Variants in KNL1 observed in about 807,000 individuals in gnomAD.
KNL1 encodes the protein kinetochore scaffold 1.
A neutral mutation model predicts 201.3 loss-of-function variants in KNL1; 66 were observed. The ratio of observed to expected loss-of-function variants is 0.33; its 90% CI spans 0.27 to 0.40. The LOEUF is 0.40. Ranked by LOEUF, KNL1 falls within the 10% of genes least tolerant of loss-of-function variation. KNL1 has a pLI of 1.00. For synonymous variants in KNL1, 895 were observed against 899.2 expected (o/e 1.00, Z 0.08); for missense variants, 2,815 against 2,690.5 (o/e 1.05, Z -1.02).
intron 13 of KNL1, among the ~76,000 whole-genome samples, chr15:40,630,952 C>G (rs1055400896): frequency 1.3e-5 from 2 of 151,582 alleles, no homozygotes; most frequent in Non-Finnish European, 2.9e-5. Flanking sequence ...GAACCCGTCT[C>G]TAAAACAATA....
intron 21 of KNL1, among the ~76,000 whole-genome samples, chr15:40,654,483 C>A (rs1281003403): frequency 6.6e-6 from 1 of 151,312 alleles, no homozygotes; most frequent in African/African-American, 2.4e-5. Flanking sequence ...TCAAGGATAA[C>A]CCTTCAACTT....
At chr15:40,610,066 C>T (rs553998845) in intron 5 of KNL1, among the ~76,000 whole-genome samples, 179 bp from the exon 6 acceptor site, 31 of 152,132 alleles carry the variant, frequency 2.0e-4, no homozygotes, top group African/African-American at 7.5e-4. Flanking sequence ...AAAACTATAG[C>T]AGATTTTATT....
intron 2 of KNL1, 81 bp downstream of exon 2, chr15:40,603,047 C>T (rs1891859085): frequency 1.2e-6 from 1 of 860,294 alleles, no homozygotes; most frequent in Non-Finnish European, 1.8e-6. Context: ...CTATCCATAA[C>T]TTCTGAGATC....
At chr15:40,635,000 T>TA (rs1286843799) in intron 13 of KNL1, among the ~76,000 whole-genome samples, 1 of 151,350 alleles carries the variant, frequency 6.6e-6, no homozygotes, top group Non-Finnish European at 1.5e-5. Flanking sequence ...AGATGGATTA[T>TA]ATGTGGACCA....
intron 7 of KNL1, among the ~76,000 whole-genome samples, chr15:40,614,202 A>G (rs951995733): frequency 6.6e-6 from 1 of 151,564 alleles, no homozygotes; most frequent in Admixed American, 6.6e-5. Flanking sequence ...GGTTCAAGCA[A>G]TTCTCCTGCC....
At chr15:40,635,003 G>A (rs1053570350) in intron 13 of KNL1, among the ~76,000 whole-genome samples, 1 of 151,786 alleles carries the variant, frequency 6.6e-6, no homozygotes, top group Non-Finnish European at 1.5e-5. Flanking sequence ...TGGATTATAT[G>A]TGGACCATGG....
At chr15:40,610,173 G>A in intron 5 of KNL1, 72 bp from the exon 6 acceptor site, 7 of 837,698 alleles carry the variant, frequency 8.4e-6, no homozygotes, top group Non-Finnish European at 1.4e-5. Context: ...TCTCAACACA[G>A]ACTATAAATC....
Position 40,647,039 on chromosome 15 carries a change from A to G in KNL1, c.6059A>G (p.Lys2020Arg). 2 of 1,541,086 alleles carry G rather than the reference A, an allele frequency of 1.3e-6. No individual in the cohort carries two copies. The highest frequency in any genetic ancestry group is 1.8e-6 in the Non-Finnish European group (2 of 1,114,192). The change falls in exon 17 of 26, where the codon AAG becomes AGG. Residue 2020 changes from lysine (K) to arginine (R), a missense_variant. Around this residue, in one of 3 missense-constraint regions of KNL1, gnomAD observed 334 missense variants for 362.6 expected, o/e 0.92. Transcript: ENST00000399668. ...ATAGATGAGATGGATAAAATACTTA[A>G]GAAGATCGATAACTGCCTCACTGAG... The part of the protein sequence containing the change: ...IKIDEMDKIL[K>R]KIDNCLTEME...
intron 3 of KNL1, 82 bp from the exon 4 acceptor site, chr15:40,606,311 C>A: frequency 1.2e-6 from 1 of 816,686 alleles, no homozygotes; most frequent in Non-Finnish European, 2.1e-6. Flanking sequence ...TTTTAGCTTT[C>A]TACCTATGAT....
rs200116303 is a variant in KNL1, at chr15:40,622,874, T to C, written c.2610T>C (p.Asn870=). 2 of 1,613,226 alleles carry C rather than the reference T, an allele frequency of 1.2e-6. No individual in the cohort carries two copies. Among genetic ancestry groups the C allele is most frequent in the African/African-American group, 2.7e-5 (2 of 75,002 alleles). ...KTIVFSEDDK[N]DMDITKSYTI... is the part of the protein sequence containing the mutation. ...TTGTATTTTCAGAAGACGATAAGAATGATATGGATATCACTAAGAGTTATA... is the reference window on the plus strand; with the variant it reads ...TTGTATTTTCAGAAGACGATAAGAACGATATGGATATCACTAAGAGTTATA... The change falls in exon 10 of 26, where the codon AAT becomes AAC. Residue 870 remains asparagine, a synonymous_variant. Coordinates refer to ENST00000399668, the MANE Select transcript of KNL1 (RefSeq NM_144508.5).
chr15:40,625,142 T>C lies in KNL1; in HGVS notation c.4878T>C (p.Ser1626=). Residue 1626 remains serine, a synonymous_variant, in exon 10 of 26, where the codon TCT becomes TCC. Coordinates refer to ENST00000399668, the MANE Select transcript of KNL1 (RefSeq NM_144508.5). ...KDSRDEENKK[S]HNGAETTSLP... ...GTAGAGATGAGGAAAATAAAAAGTC[T>C]CATAATGGAGCTGAAACCACCTCTC... 6.2e-7 allele frequency: 1 copy of C among 1,614,074 alleles called. No individual in the cohort carries two copies. The highest frequency in any genetic ancestry group is 8.5e-7 in the Non-Finnish European group (1 of 1,179,970).
chr15:40,650,390 A>C lies in KNL1; in HGVS notation c.6172+12A>C, dbSNP rs773039511. On this transcript the variant is annotated intron_variant, in intron 18 of 25. Transcript: ENST00000399668. Reference sequence around the variant, plus strand: ...AGCTGCAGAAAAAGGTAATTGAATTAGTTAAGGAGATAAATGGGTGTGGGG... The same window carrying C: ...AGCTGCAGAAAAAGGTAATTGAATTCGTTAAGGAGATAAATGGGTGTGGGG... 2 of 1,602,738 alleles carry C rather than the reference A, an allele frequency of 1.2e-6. No individual in the cohort carries two copies. Among genetic ancestry groups the C allele is most frequent in the South Asian group, 2.2e-5 (2 of 90,720 alleles).
In KNL1 at chr15:40,652,117, A is replaced by C; in HGVS notation, c.6415+12A>C. ...TGAAGAGTCAGTTGGTAAGGAGCCA[A>C]AGTGAGATAATTCTTTTACAGAAAA... On this transcript the variant is annotated intron_variant, in intron 21 of 25. Coordinates refer to ENST00000399668, the MANE Select transcript of KNL1 (RefSeq NM_144508.5). 6.4e-7 allele frequency: 1 copy of C among 1,559,536 alleles called. No individual in the cohort carries two copies. The highest frequency in any genetic ancestry group is 8.8e-7 in the Non-Finnish European group (1 of 1,131,280).
At chr15:40,599,394 C>T (rs140365866) in intron 1 of KNL1, among the ~76,000 whole-genome samples, 66 of 150,504 alleles carry the variant, frequency 4.4e-4, no homozygotes, top group South Asian at 1.3e-3. Context: ...CATCCTCCCC[C>T]ACCCCCCGAG....
rs1305902034 is a variant in KNL1 at position 40,622,460 on chromosome 15, G to A, written c.2196G>A (p.Leu732=). 6.2e-7 allele frequency: 1 copy of A among 1,613,820 alleles called. No homozygotes were observed. The highest frequency in any genetic ancestry group is 1.3e-5 in the African/African-American group (1 of 74,906). ...CTGTACTAGGCCAGAATTCTAAACT[G>A]GCTGAGCCACTGAGGAAAAGTTTAA... The part of the protein sequence containing the change: ...VKSVLGQNSK[L]AEPLRKSLSN... Residue 732 remains leucine (L), a synonymous_variant, in exon 10 of 26, where the codon CTG becomes CTA. Coordinates refer to ENST00000399668, the MANE Select transcript of KNL1 (RefSeq NM_144508.5).
intron 13 of KNL1, among the ~76,000 whole-genome samples, chr15:40,631,989 A>G (rs914764747): frequency 3.3e-5 from 5 of 151,480 alleles, no homozygotes; most frequent in Admixed American, 1.3e-4. Flanking sequence ...AGCCTGGTCA[A>G]CAGAACAAGA....
intron 3 of KNL1, 76 bp from the exon 4 acceptor site, chr15:40,606,317 A>G (rs879372853): frequency 1.0e-5 from 9 of 867,310 alleles, no homozygotes; most frequent in Non-Finnish European, 1.7e-5. Context: ...CTTTCTACCT[A>G]TGATATAACT....
intron 4 of KNL1, 95 bp downstream of exon 4, chr15:40,606,547 G>C: frequency 1.4e-6 from 1 of 714,614 alleles, no homozygotes; most frequent in South Asian, 1.7e-5. Flanking sequence ...AAATGTGTAA[G>C]CATCCCATGA....
chr15:40,602,479 C>CGTTTTTTTT (rs1566998543), intron 1 of KNL1, among the ~76,000 whole-genome samples: 2 of 104,188 alleles, frequency 1.9e-5, no homozygotes, highest in African/African-American at 6.9e-5. Flanking sequence ...TTTTTTCCTT[C>CGTTTTTTTT]CTTTTTTTTT....
Sources: allele counts gnomAD v4.1 joint callset (sites outside exome capture counted in the v4.1 genomes callset), GRCh38; gene constraint gnomAD v4.1.1; regional missense constraint gnomAD v4.1.1; transcripts MANE v1.5; gene names NCBI Gene and HGNC (gene_info 2026-07-23, HGNC 2026-07-21).